The following SMOC1 variants were observed in gnomAD, a reference collection of about 807,000 sequenced individuals.
SMOC1 encodes SPARC-related modular calcium-binding protein 1.
Under a neutral mutation model 56.3 loss-of-function variants are expected in SMOC1, and 22 were observed. The ratio of observed to expected loss-of-function variants is 0.39; its 90% confidence interval spans 0.28 to 0.56. The LOEUF (loss-of-function observed/expected upper bound fraction) is 0.56. Ranked by LOEUF, SMOC1 falls within the 20% of genes least tolerant of loss-of-function variation. SMOC1 has a pLI of 0.61. For synonymous variants in SMOC1, 193 were observed against 215.0 expected (o/e 0.90, Z 0.89); for missense variants, 509 against 565.4 (o/e 0.90, Z 1.01).
intron 1 of SMOC1, among the ~76,000 whole-genome samples, chr14:69,901,618 A>G (rs1354102050): frequency 1.3e-5 from 2 of 152,252 alleles, no homozygotes; most frequent in African/African-American, 4.8e-5. Context: ...CTATTAGGGT[A>G]GGACATCTTA....
intron 5 of SMOC1, chr14:69,978,238 T>C (rs1884042522): frequency 3.8e-6 from 2 of 528,174 alleles, no homozygotes; most frequent in African/African-American, 1.9e-5. Flanking sequence ...CCTAGGAATA[T>C]TGGTTCCCTG....
intron 10 of SMOC1, among the ~76,000 whole-genome samples, chr14:70,022,814 G>A (rs576544101): frequency 6.6e-6 from 1 of 152,254 alleles, no homozygotes; most frequent in African/African-American, 2.4e-5. Context: ...ATGTTTACGT[G>A]TAATGAGCAG....
intron 1 of SMOC1, among the ~76,000 whole-genome samples, chr14:69,949,895 T>A (rs1343780126): frequency 6.6e-6 from 1 of 152,162 alleles, no homozygotes; most frequent in Admixed American, 6.5e-5. Flanking sequence ...CTGGGGATCG[T>A]GTGCAGGGCT....
chr14:69,958,892 A>G lies in SMOC1; in HGVS notation c.378+5360A>G, dbSNP rs115928674. ...AGAGGCTTATGTAATATATTTGTGT[A>G]GGTCTGTGTACTAGGGATTTAATTA... On this transcript the variant is annotated intron_variant, in intron 3 of 11. Coordinates refer to ENST00000361956, the MANE Select transcript of SMOC1 (RefSeq NM_001034852.3). Among the ~76,000 whole-genome samples the G allele has an allele frequency of 6.1e-3, 931 of 152,338 alleles. 16 individuals are homozygous for G. The highest frequency in any genetic ancestry group is 0.021 in the African/African-American group (857 of 41,584).
At chr14:69,913,461 TGTGTGTGTGTGC>T (rs1249213430) in intron 1 of SMOC1, among the ~76,000 whole-genome samples, 1 of 151,704 alleles carries the variant, frequency 6.6e-6, no homozygotes, top group Non-Finnish European at 1.5e-5. Context: ...TTGGCGTGTG[TGTGTGTGTGTGC>T]GTGTGTGTGT....
At chr14:70,013,573 T>C (rs928328024) in intron 10 of SMOC1, 82 bp downstream of exon 10, 10 of 1,202,882 alleles carry the variant, frequency 8.3e-6, no homozygotes, top group African/African-American at 1.5e-5. Flanking sequence ...GGTGAGAGAG[T>C]GGGCAGGGTT....
rs370194954 is a variant in SMOC1, at chr14:70,030,331, G to A, written c.*73G>A. 1.6e-5 allele frequency: 25 copies of A among 1,586,000 alleles called. No individual in the cohort carries two copies. The African/African-American group carries it at 2.6e-4, about 16-fold the overall frequency. ...GATCACCAGACACCTAACCTTCAGC[G>A]TTGCCCATGGCCCTGCCACATCCCG... is the stretch of plus-strand genomic sequence containing the variant. On this transcript the variant is annotated 3_prime_UTR_variant, in exon 12 of 12. Transcript: ENST00000361956.
chr14:69,945,239 AATGCAGT>A (rs1177579013), intron 1 of SMOC1, among the ~76,000 whole-genome samples: 5 of 152,242 alleles, frequency 3.3e-5, no homozygotes, highest in Admixed American at 2.0e-4. Context: ...GATAAATGAT[AATGCAGT>A]ATATCGAGGG....
intron 5 of SMOC1, among the ~76,000 whole-genome samples, chr14:69,983,059 T>G (rs1884238372): frequency 6.6e-6 from 1 of 152,176 alleles, no homozygotes; most frequent in African/African-American, 2.4e-5. Context: ...CATGTCTCCC[T>G]CCTTCCCATA....
At position 69,903,235 on chromosome 14, in the gene SMOC1, G is replaced by A. The variant is rs550630362; in HGVS notation, c.99+23458G>A. Among the ~76,000 whole-genome samples, 17 of 151,308 alleles carry A rather than the reference G, an allele frequency of 1.1e-4. No individual in the cohort carries two copies. In the South Asian group the frequency reaches 2.1e-3, roughly 19 times the overall value. ...GGGAGCCCCTCTGCCCCGCCGCCCC[G>A]TCTGGGATGTGAGGAGCGCCTCTGC... On this transcript the variant is annotated intron_variant, in intron 1 of 11. Coordinates refer to ENST00000361956, the MANE Select transcript of SMOC1 (RefSeq NM_001034852.3).
intron 6 of SMOC1, among the ~76,000 whole-genome samples, chr14:69,992,895 T>A (rs1884615331): frequency 6.6e-6 from 1 of 152,158 alleles, no homozygotes; most frequent in Admixed American, 6.6e-5. Flanking sequence ...GGTTTGGAGA[T>A]GTAAACCTTT....
chr14:69,898,393 TC>T (rs1177431101), intron 1 of SMOC1, among the ~76,000 whole-genome samples: 3 of 152,204 alleles, frequency 2.0e-5, no homozygotes, highest in Non-Finnish European at 2.9e-5. Context: ...TCCTTTCTTC[TC>T]CTTTTAGTAT....
chr14:69,997,854 T>C (rs1193127247), intron 7 of SMOC1, among the ~76,000 whole-genome samples: 1 of 152,212 alleles, frequency 6.6e-6, no homozygotes, highest in Admixed American at 6.5e-5. Context: ...TCAGGTGTGC[T>C]TCAGCCTGCA....
chr14:69,984,832 G>A (rs1203166985), intron 5 of SMOC1, among the ~76,000 whole-genome samples: 3 of 151,880 alleles, frequency 2.0e-5, no homozygotes, highest in Non-Finnish European at 2.9e-5. Flanking sequence ...ACTCCAGCCT[G>A]GATGACAGAG....
intron 1 of SMOC1, among the ~76,000 whole-genome samples, chr14:69,886,530 T>C (rs1883814981): frequency 6.6e-6 from 1 of 152,242 alleles, no homozygotes; most frequent in South Asian, 2.1e-4. Flanking sequence ...AATAAGTGTG[T>C]TTGGTAGTTA....
intron 5 of SMOC1, among the ~76,000 whole-genome samples, chr14:69,991,039 C>T (rs184019576): frequency 2.0e-5 from 3 of 152,220 alleles, no homozygotes; most frequent in East Asian, 3.9e-4. Flanking sequence ...ATAAGATGCA[C>T]GAAAGTCGGC....
chr14:69,982,103 G>A (rs1041369241), intron 5 of SMOC1, among the ~76,000 whole-genome samples: 1 of 152,150 alleles, frequency 6.6e-6, no homozygotes, highest in African/African-American at 2.4e-5. Flanking sequence ...TGTGATAAAT[G>A]GCAAGTGAAA....
chr14:69,943,187 G>A lies in SMOC1; in HGVS notation c.100-8951G>A, dbSNP rs770889830. Among the ~76,000 whole-genome samples, 97 of 152,218 alleles carry A rather than the reference G, an allele frequency of 6.4e-4. 1 individual carries two copies. Among genetic ancestry groups the A allele is most frequent in the Admixed American group, 3.3e-4 (5 of 15,278 alleles). On this transcript the variant is annotated intron_variant, in intron 1 of 11. Transcript: ENST00000361956. Reference sequence around the variant, plus strand: ...GGGGTGTCTGCTTTCCCTCAGCAGCGTGAAAAGCCCTTTAATCGGGCATGC... The same window carrying A: ...GGGGTGTCTGCTTTCCCTCAGCAGCATGAAAAGCCCTTTAATCGGGCATGC...
At chr14:70,020,358 G>A (rs558407222) in intron 10 of SMOC1, among the ~76,000 whole-genome samples, 6 of 152,318 alleles carry the variant, frequency 3.9e-5, no homozygotes, top group Admixed American at 2.6e-4. Flanking sequence ...CCTGGCCAAA[G>A]TGTTGGATTC....
Sources: allele counts gnomAD v4.1 joint callset (sites outside exome capture counted in the v4.1 genomes callset), GRCh38; gene constraint gnomAD v4.1.1; transcripts MANE v1.5; gene names NCBI Gene and HGNC (gene_info 2026-07-23, HGNC 2026-07-21).